RABGAP1L: variants seen among roughly 807,000 people sequenced by gnomAD.
The protein encoded by RABGAP1L is rab GTPase-activating protein 1-like.
A neutral mutation model predicts 137.7 loss-of-function variants in RABGAP1L; 63 were observed. The observed-to-expected ratio is 0.46, with a 90% CI of 0.37 to 0.56. RABGAP1L has a LOEUF of 0.56. Ranked by LOEUF, RABGAP1L falls within the 20% of genes least tolerant of loss-of-function variation. The pLI, the probability that RABGAP1L is intolerant of heterozygous loss-of-function variation, is 0.00. For synonymous variants in RABGAP1L, 431 were observed against 433.7 expected (o/e 0.99, Z 0.08); for missense variants, 1,095 against 1,244.0 (o/e 0.88, Z 1.80).
chr1:174,682,217 G>A (rs887192753), intron 14 of RABGAP1L, among the ~76,000 whole-genome samples: 4 of 151,478 alleles, frequency 2.6e-5, no homozygotes, highest in African/African-American at 7.3e-5. Flanking sequence ...GGAGGTGGAG[G>A]TTGCAGTGAG....
intron 1 of RABGAP1L, among the ~76,000 whole-genome samples, chr1:174,213,771 C>T (rs6692437): frequency 0.29 from 44,699 of 152,014 alleles, 6,988 homozygotes; most frequent in African/African-American, 0.37. Flanking sequence ...GATAAAAAAG[C>T]ATTTGAAAAC....
rs145988767 is a variant in RABGAP1L, at chr1:174,579,567, T to C, written c.1711-57808T>C. On this transcript the variant is annotated intron_variant, in intron 13 of 25. Coordinates refer to ENST00000681986, the MANE Select transcript of RABGAP1L (RefSeq NM_001366446.1). ...CAAAGTTAAGAATCACTGCAGTAGA[T>C]ATGACACATCCTATTAGAGATTCTA... Among the ~76,000 whole-genome samples the C allele has an allele frequency of 7.6e-4, 115 of 152,312 alleles. 1 individual carries two copies. In the East Asian group the frequency reaches 0.022, roughly 29 times the overall value.
chr1:174,607,934 A>C (rs1302387104), intron 13 of RABGAP1L, among the ~76,000 whole-genome samples: 1 of 152,144 alleles, frequency 6.6e-6, no homozygotes, highest in Non-Finnish European at 1.5e-5. Flanking sequence ...CCTCCAAGCA[A>C]CCCTTACGAA....
Position 174,324,340 on chromosome 1 carries a change from G to C in RABGAP1L, c.1465+19213G>C, listed in dbSNP as rs181193809. Reference sequence around the variant, plus strand: ...TATAGATGGCAGAAGAAAGAGAGGAGAAAGACTCAAAGGTTATAATGCAAT... The same window carrying C: ...TATAGATGGCAGAAGAAAGAGAGGACAAAGACTCAAAGGTTATAATGCAAT... On this transcript the variant is annotated intron_variant, in intron 11 of 25. Coordinates refer to ENST00000681986, the MANE Select transcript of RABGAP1L (RefSeq NM_001366446.1). 1.2e-4 allele frequency among the ~76,000 whole-genome samples: 19 copies of C among 152,258 alleles called. No homozygotes were observed. In the East Asian group the frequency reaches 3.3e-3, roughly 26 times the overall value.
chr1:174,583,176 T>C (rs1336306740), intron 13 of RABGAP1L, among the ~76,000 whole-genome samples: 1 of 152,182 alleles, frequency 6.6e-6, no homozygotes, highest in Non-Finnish European at 1.5e-5. Context: ...ATACTTTGTC[T>C]TAGAGTCATT....
intron 17 of RABGAP1L, among the ~76,000 whole-genome samples, chr1:174,715,302 C>A (rs539979320): frequency 6.6e-6 from 1 of 152,218 alleles, no homozygotes. Flanking sequence ...TATAAATTAT[C>A]TATATTGTAC....
intron 19 of RABGAP1L, among the ~76,000 whole-genome samples, chr1:174,889,337 T>A (rs1275481480): frequency 6.6e-6 from 1 of 152,046 alleles, no homozygotes; most frequent in African/African-American, 2.4e-5. Context: ...TTGGGCAGGC[T>A]GGTCTCGAAC....
intron 12 of RABGAP1L, among the ~76,000 whole-genome samples, chr1:174,380,256 G>C (rs1040577295): frequency 6.6e-5 from 10 of 151,904 alleles, no homozygotes; most frequent in Non-Finnish European, 8.8e-5. Context: ...TCTCTTTTTT[G>C]GTTGTGTCTC....
chr1:174,706,363 C>T (rs935366284), intron 17 of RABGAP1L, among the ~76,000 whole-genome samples: 2 of 152,016 alleles, frequency 1.3e-5, no homozygotes, highest in African/African-American at 4.8e-5. Context: ...TTTAAAAATA[C>T]ATTTTCTTAT....
chr1:174,463,472 T>C (rs1656941809), intron 13 of RABGAP1L, among the ~76,000 whole-genome samples: 1 of 129,672 alleles, frequency 7.7e-6, no homozygotes, highest in South Asian at 2.3e-4. Flanking sequence ...TGAGATCACA[T>C]GGACACAGGA....
chr1:174,195,798 T>TTTCTTTCTTTCTTTCTATCC (rs1163421673), intron 1 of RABGAP1L, among the ~76,000 whole-genome samples: 366 of 128,584 alleles, frequency 2.8e-3, no homozygotes, highest in Non-Finnish European at 4.7e-3. Flanking sequence ...TCTTTCTTTC[T>TTTCTTTCTTTCTTTCTATCC]TTCTTTCTTT....
chr1:174,621,080 A>G (rs1219316034), intron 13 of RABGAP1L, among the ~76,000 whole-genome samples: 1 of 152,134 alleles, frequency 6.6e-6, no homozygotes, highest in Non-Finnish European at 1.5e-5. Flanking sequence ...CCAAGACTAA[A>G]CCAGGAAGAA....
chr1:174,604,557 A>ATT (rs1166011965), intron 13 of RABGAP1L, among the ~76,000 whole-genome samples: 3 of 152,088 alleles, frequency 2.0e-5, no homozygotes, highest in Non-Finnish European at 4.4e-5. Flanking sequence ...CATTATGTGG[A>ATT]TAGTTGTTCG....
chr1:174,276,079 T>C (rs2148670850), intron 9 of RABGAP1L, 144 bp downstream of exon 9: 3 of 577,218 alleles, frequency 5.2e-6, no homozygotes, highest in East Asian at 6.2e-5. Context: ...TTATTCTTTA[T>C]GCTTCTATGG....
chr1:174,685,085 G>A (rs1678358017), intron 15 of RABGAP1L, among the ~76,000 whole-genome samples: 2 of 152,158 alleles, frequency 1.3e-5, no homozygotes, highest in African/African-American at 4.8e-5. Flanking sequence ...GAGCAAAATT[G>A]TTAGGTTTTG....
At chr1:174,776,103 C>T (rs551392051) in intron 18 of RABGAP1L, among the ~76,000 whole-genome samples, 1 of 152,242 alleles carries the variant, frequency 6.6e-6, no homozygotes, top group East Asian at 1.9e-4. Flanking sequence ...GGCGTGGTGG[C>T]TCACACCTGT....
intron 17 of RABGAP1L, among the ~76,000 whole-genome samples, chr1:174,734,513 G>C (rs1212223494): frequency 6.6e-6 from 1 of 152,136 alleles, no homozygotes; most frequent in Non-Finnish European, 1.5e-5. Flanking sequence ...TCTCAGGACA[G>C]CAACTAGAAG....
At chr1:174,806,548 T>C (rs1035842495) in intron 18 of RABGAP1L, among the ~76,000 whole-genome samples, 4 of 152,318 alleles carry the variant, frequency 2.6e-5, no homozygotes, top group South Asian at 2.1e-4. Context: ...TTTGAGGCTC[T>C]AGTGAGCTAT....
At chr1:174,841,612 C>G (rs1693410920) in intron 19 of RABGAP1L, among the ~76,000 whole-genome samples, 1 of 151,714 alleles carries the variant, frequency 6.6e-6, no homozygotes. Flanking sequence ...AATAAAAGAG[C>G]TGATTTTTTA....
Sources: allele counts gnomAD v4.1 joint callset (sites outside exome capture counted in the v4.1 genomes callset), GRCh38; gene constraint gnomAD v4.1.1; transcripts MANE v1.5; gene names NCBI Gene and HGNC (gene_info 2026-07-23, HGNC 2026-07-21).